The following SIRT4 variants were observed in gnomAD, a reference collection of about 807,000 sequenced individuals.
SIRT4 encodes the protein sirtuin 4.
A neutral mutation model predicts 26.1 loss-of-function variants in SIRT4; 23 were observed. The ratio of observed to expected loss-of-function variants is 0.88; its 90% CI spans 0.63 to 1.25. SIRT4 has a LOEUF of 1.25. SIRT4 is among the 50% of genes most tolerant of loss of function. The probability of loss-of-function intolerance (pLI) is 0.00; values close to 1 mark genes in which losing one functional copy is unlikely to be tolerated. For missense variants in SIRT4, 361 were observed against 405.4 expected (o/e 0.89, Z 0.94); for synonymous variants, 155 against 158.4 (o/e 0.98, Z 0.16).
chr12:120,294,445 C>T, the SIRT4 span, among the ~76,000 whole-genome samples: 4 of 152,034 alleles, frequency 2.6e-5, no homozygotes, highest in Admixed American at 1.3e-4. Context: ...TTAGTAGACA[C>T]GGGGTTTCAC....
At chr12:120,298,831 C>T (rs1329816917), upstream of SIRT4, among the ~76,000 whole-genome samples, 1 of 150,892 alleles carries the variant, frequency 6.6e-6, no homozygotes, top group Non-Finnish European at 1.5e-5. Context: ...CACTTGAACC[C>T]GGGAGGCGGA....
chr12:120,309,483 C>T (rs1872874497), intron 2 of SIRT4, among the ~76,000 whole-genome samples: 2 of 148,534 alleles, frequency 1.3e-5, no homozygotes, highest in Non-Finnish European at 3.0e-5. Flanking sequence ...GAGATCTTGG[C>T]TCACTGCAAC....
the SIRT4 span, among the ~76,000 whole-genome samples, chr12:120,294,610 A>T: frequency 5.3e-5 from 8 of 152,188 alleles, no homozygotes; most frequent in Non-Finnish European, 1.0e-4. Flanking sequence ...GCTGGAATGC[A>T]GTGGCGCGAT....
At chr12:120,307,490 C>G (rs1359701755) in intron 2 of SIRT4, among the ~76,000 whole-genome samples, 2 of 149,732 alleles carry the variant, frequency 1.3e-5, no homozygotes, top group Admixed American at 1.3e-4. Flanking sequence ...TTGTCTCAAA[C>G]AACAAACAAA....
chr12:120,299,098 G>A (rs969636257), upstream of SIRT4, among the ~76,000 whole-genome samples: 1 of 150,272 alleles, frequency 6.7e-6, no homozygotes, highest in Non-Finnish European at 1.5e-5. Flanking sequence ...GGGTGTGGTG[G>A]CGGGCGCCTG....
At chr12:120,299,550 A>T (rs200011383), upstream of SIRT4, among the ~76,000 whole-genome samples, 4 of 7,596 alleles carry the variant, frequency 5.3e-4, no homozygotes, top group Non-Finnish European at 1.1e-3. Flanking sequence ...AGACTCTCTC[A>T]AAAAAAAAAA....
At chr12:120,296,303 C>T in the SIRT4 span, among the ~76,000 whole-genome samples, 3 of 151,342 alleles carry the variant, frequency 2.0e-5, no homozygotes, top group African/African-American at 7.3e-5. Context: ...CTGCGAGCTC[C>T]GCCTTCCGGG....
At chr12:120,301,570 T>A (rs937651298), upstream of SIRT4, among the ~76,000 whole-genome samples, 3 of 151,170 alleles carry the variant, frequency 2.0e-5, no homozygotes, top group South Asian at 2.1e-4. Flanking sequence ...GGGGCCGAGG[T>A]TGGCGGATCA....
intron 2 of SIRT4, among the ~76,000 whole-genome samples, chr12:120,307,425 G>A (rs1002490567): frequency 1.3e-5 from 2 of 152,110 alleles, no homozygotes; most frequent in African/African-American, 2.4e-5. Flanking sequence ...GGTGGCAGAG[G>A]TTGCAGTGAG....
intron 2 of SIRT4, among the ~76,000 whole-genome samples, chr12:120,309,096 T>C (rs1225873097): frequency 6.6e-6 from 1 of 152,046 alleles, no homozygotes. Context: ...GGAGAATCGC[T>C]TGAACCTGGG....
chr12:120,292,898 A>G, the SIRT4 span, among the ~76,000 whole-genome samples: 50 of 152,360 alleles, frequency 3.3e-4, no homozygotes, highest in African/African-American at 9.9e-4. Flanking sequence ...TAGAGATCAC[A>G]AAATCAGCAA....
In SIRT4 at chr12:120,305,332, C is replaced by G. The variant is rs1872710948; in HGVS notation, c.497+1274C>G. ...GTGGTGTGATTATAGCTCACTTCAG[C>G]CTCAATCTCTTGGGCTCAAGTGATC... On this transcript the variant is annotated intron_variant, in intron 2 of 3. Coordinates refer to ENST00000202967, the MANE Select transcript of SIRT4 (RefSeq NM_012240.3). Among the ~76,000 whole-genome samples, 3 of 152,026 alleles carry G rather than the reference C, an allele frequency of 2.0e-5. No homozygotes were observed. The South Asian group carries it at 6.2e-4, about 32-fold the overall frequency.
intron 1 of SIRT4, among the ~76,000 whole-genome samples, chr12:120,303,100 G>A (rs1271991288): frequency 6.6e-6 from 1 of 151,930 alleles, no homozygotes; most frequent in Non-Finnish European, 1.5e-5. Flanking sequence ...AGCTTGCAGT[G>A]GAGGGTAAAC....
At chr12:120,304,239 G>A (rs1872656306) in intron 2 of SIRT4, among the ~76,000 whole-genome samples, 181 bp downstream of exon 2, 1 of 152,202 alleles carries the variant, frequency 6.6e-6, no homozygotes, top group South Asian at 2.1e-4. Context: ...ACAGGAAAGA[G>A]AGGAAAGCCA....
upstream of SIRT4, among the ~76,000 whole-genome samples, chr12:120,301,673 G>A (rs886237313): frequency 2.0e-5 from 3 of 151,980 alleles, no homozygotes; most frequent in South Asian, 2.1e-4. Context: ...GTCAAATCTA[G>A]ATCCATGATT....
the SIRT4 span, among the ~76,000 whole-genome samples, chr12:120,294,141 T>C: frequency 6.7e-6 from 1 of 150,324 alleles, no homozygotes; most frequent in Non-Finnish European, 1.5e-5. Context: ...GTAGCTGGGA[T>C]TACAGATGCA....
chr12:120,305,461 A>G (rs929754083), intron 2 of SIRT4, among the ~76,000 whole-genome samples: 1 of 152,036 alleles, frequency 6.6e-6, no homozygotes, highest in Non-Finnish European at 1.5e-5. Context: ...AAGTCTTACT[A>G]TGTTGCCCAG....
chr12:120,293,392 A>G, the SIRT4 span, among the ~76,000 whole-genome samples: 2 of 152,304 alleles, frequency 1.3e-5, no homozygotes, highest in African/African-American at 2.4e-5. Flanking sequence ...TGGTTTCTGC[A>G]TATCGTTGCT....
At chr12:120,293,055 A>C in the SIRT4 span, 2 of 142,610 alleles carry the variant, frequency 1.4e-5, no homozygotes, top group African/African-American at 2.6e-5. Flanking sequence ...ACCCCCACAC[A>C]CACAAAAAAA....
Sources: gnomAD v4.1 joint callset for allele counts (sites outside exome capture counted in the v4.1 genomes callset) on GRCh38, gnomAD v4.1.1 for gene constraint, MANE v1.5 for transcripts, NCBI Gene and HGNC (gene_info 2026-07-23, HGNC 2026-07-21) for gene names.